Variants in LAMA2 observed in about 807,000 individuals in gnomAD.
The protein encoded by LAMA2 is laminin subunit alpha 2, also known as laminin subunit alpha-2.
A neutral mutation model predicts 364.8 loss-of-function variants in LAMA2; 269 were observed. That is an observed-to-expected ratio of 0.74 (90% CI 0.67 to 0.82). The LOEUF is 0.82. LAMA2 is among the 40% of genes least tolerant of loss of function. LAMA2 has a pLI of 0.00. For synonymous variants in LAMA2, 1,379 were observed against 1,370.6 expected, an observed-to-expected ratio of 1.01 and a Z score of -0.14; for missense variants, 3,807 against 3,873.2, an observed-to-expected ratio of 0.98 and a Z score of 0.45.
chr6:129,368,649 C>T (rs1777908083), intron 33 of LAMA2, among the ~76,000 whole-genome samples: 1 of 152,150 alleles, frequency 6.6e-6, no homozygotes, highest in Non-Finnish European at 1.5e-5. Context: ...GAAGAGGCTC[C>T]AATTTGTGAA....
At chr6:129,153,861 T>C (rs1305391973) in intron 7 of LAMA2, among the ~76,000 whole-genome samples, 1 of 152,186 alleles carries the variant, frequency 6.6e-6, no homozygotes, top group Admixed American at 6.5e-5. Context: ...TCATTACAGA[T>C]TACCTAGCTG....
chr6:129,167,477 C>T (rs559289784), intron 9 of LAMA2, among the ~76,000 whole-genome samples: 15 of 152,162 alleles, frequency 9.9e-5, no homozygotes, highest in African/African-American at 3.1e-4. Flanking sequence ...CATGTCCCTA[C>T]AAAGGACATG....
chr6:129,151,939 A>G lies in LAMA2; in HGVS notation c.1028-2566A>G, dbSNP rs117039928. Among the ~76,000 whole-genome samples, 72 of 152,328 alleles carry G rather than the reference A, an allele frequency of 4.7e-4. No homozygotes were observed. In the East Asian group the frequency reaches 0.013, roughly 27 times the overall value. On this transcript the variant is annotated intron_variant, in intron 7 of 64. Transcript: ENST00000421865. ...AGATATAAAACTGCTTACAATGCCT[A>G]GTGATTTGTATTGATTACTATGTGT...
chr6:129,196,377 T>C (rs1261428471), intron 12 of LAMA2, among the ~76,000 whole-genome samples: 1 of 150,604 alleles, frequency 6.6e-6, no homozygotes, highest in African/African-American at 2.5e-5. Context: ...GATCTCATCA[T>C]ATAAAAGAAG....
intron 4 of LAMA2, among the ~76,000 whole-genome samples, chr6:129,123,900 A>AAAT (rs1221497895): frequency 1.3e-5 from 2 of 152,270 alleles, no homozygotes; most frequent in South Asian, 2.1e-4. Context: ...TCTTATCACA[A>AAAT]AATAATAATA....
intron 44 of LAMA2, 145 bp from the exon 45 acceptor site, chr6:129,445,522 C>T: frequency 1.4e-6 from 1 of 691,424 alleles, no homozygotes. Flanking sequence ...TGACATTTGC[C>T]ATCACACATT....
chr6:129,187,973 CTA>C (rs1781324435), intron 10 of LAMA2, among the ~76,000 whole-genome samples: 1 of 151,892 alleles, frequency 6.6e-6, no homozygotes, highest in Non-Finnish European at 1.5e-5. Flanking sequence ...CTCATTCTAT[CTA>C]TGTCCACAAG....
intron 40 of LAMA2, among the ~76,000 whole-genome samples, chr6:129,421,384 T>C (rs2114729650): frequency 6.6e-6 from 1 of 151,766 alleles, no homozygotes; most frequent in East Asian, 1.9e-4. Flanking sequence ...CAAGAATTTA[T>C]TGTTTAAAAA....
intron 3 of LAMA2, among the ~76,000 whole-genome samples, chr6:129,083,482 T>C (rs1032278762): frequency 1.3e-5 from 2 of 152,224 alleles, no homozygotes; most frequent in Non-Finnish European, 2.9e-5. Context: ...GAAAGTACAC[T>C]GCCATTGCAT....
Position 129,481,157 on chromosome 6 carries a change from G to C in LAMA2, c.7573-106G>C, listed in dbSNP as rs2275214. On this transcript the variant is annotated intron_variant, in intron 54 of 64. Coordinates refer to ENST00000421865, the MANE Select transcript of LAMA2 (RefSeq NM_000426.4). ...TTTTCCTGCTTTCTAAACCTATGATGTATTTCATAATCACATTAATTGCAT... is the reference window on the plus strand; with the variant it reads ...TTTTCCTGCTTTCTAAACCTATGATCTATTTCATAATCACATTAATTGCAT... The C allele has an allele frequency of 0.7, 595,577 of 852,508 alleles. 210,452 individuals carry two copies. Among genetic ancestry groups the C allele is most frequent in the Non-Finnish European group, 0.73 (365,563 of 498,748 alleles). 52.8% of individuals were successfully genotyped at this position (852,508 alleles called of 1,614,324 possible).
intron 1 of LAMA2, among the ~76,000 whole-genome samples, chr6:129,025,745 G>A (rs945944463): frequency 2.6e-5 from 4 of 152,154 alleles, no homozygotes; most frequent in Non-Finnish European, 5.9e-5. Flanking sequence ...GGTGGATGCA[G>A]GGCATGTGGG....
intron 48 of LAMA2, among the ~76,000 whole-genome samples, chr6:129,458,882 T>C (rs1783103885): frequency 6.6e-6 from 1 of 152,100 alleles, no homozygotes; most frequent in South Asian, 2.1e-4. Flanking sequence ...ATTCAGTAAC[T>C]GTTTTCTTAT....
intron 3 of LAMA2, among the ~76,000 whole-genome samples, chr6:129,084,151 T>G (rs1413579169): frequency 1.3e-5 from 2 of 152,198 alleles, no homozygotes; most frequent in African/African-American, 4.8e-5. Context: ...TATTAAAATC[T>G]GCAATACATA....
At chr6:129,436,846 C>T (rs1023692091) in intron 41 of LAMA2, 15 of 152,080 alleles carry the variant, frequency 9.9e-5, no homozygotes, top group East Asian at 3.8e-4. Flanking sequence ...TTGTGAACTA[C>T]GTATTCTTAT....
intron 1 of LAMA2, among the ~76,000 whole-genome samples, chr6:129,044,905 T>A (rs910074558): frequency 6.6e-6 from 1 of 152,150 alleles, no homozygotes; most frequent in Admixed American, 6.5e-5. Context: ...GTAACACATA[T>A]TGAATATGGA....
chr6:129,438,096 T>G (rs2114760027), intron 41 of LAMA2, among the ~76,000 whole-genome samples: 1 of 151,866 alleles, frequency 6.6e-6, no homozygotes, highest in African/African-American at 2.4e-5. Context: ...AAATATTGTT[T>G]TCTTTATGAG....
At chr6:129,067,540 CAT>C (rs1789451719) in intron 3 of LAMA2, among the ~76,000 whole-genome samples, 1 of 152,196 alleles carries the variant, frequency 6.6e-6, no homozygotes, top group African/African-American at 2.4e-5. Flanking sequence ...GTACAGATCA[CAT>C]AACACTTTCC....
At chr6:129,263,336 G>GGAAATAAACAGGGT (rs1188439858) in intron 15 of LAMA2, among the ~76,000 whole-genome samples, 3 of 152,224 alleles carry the variant, frequency 2.0e-5, no homozygotes, top group African/African-American at 7.2e-5. Context: ...ATTCTATGAA[G>GGAAATAAACAGGGT]GAAATAAACA....
chr6:129,037,225 T>C (rs889063996), intron 1 of LAMA2, among the ~76,000 whole-genome samples: 4 of 152,110 alleles, frequency 2.6e-5, no homozygotes, highest in African/African-American at 9.7e-5. Context: ...CAAACACAAA[T>C]TTTGATTTTA....
Sources: allele counts gnomAD v4.1 joint callset (sites outside exome capture counted in the v4.1 genomes callset), GRCh38; gene constraint gnomAD v4.1.1; transcripts MANE v1.5; gene names NCBI Gene and HGNC (gene_info 2026-07-23, HGNC 2026-07-21).